HERC2: variants seen among roughly 807,000 people sequenced by gnomAD.
HERC2 encodes E3 ubiquitin-protein ligase HERC2.
HERC2 carries 102 observed loss-of-function variants against 537.7 expected under a neutral mutation model. That is an observed-to-expected ratio of 0.19 (90% CI 0.16 to 0.22). The LOEUF (loss-of-function observed/expected upper bound fraction) is 0.22. Among genes scored for constraint, HERC2 ranks in the 10% least tolerant of loss-of-function variants. HERC2 has a pLI of 1.00. For synonymous variants in HERC2, 2,224 were observed against 2,466.2 expected, an observed-to-expected ratio of 0.90 and a Z score of 2.91; for missense variants, 4,236 against 6,198.2, an observed-to-expected ratio of 0.68 and a Z score of 10.63.
At chr15:28,220,087 C>G (rs1266898319) in intron 37 of HERC2, among the ~76,000 whole-genome samples, 1 of 152,168 alleles carries the variant, frequency 6.6e-6, no homozygotes, top group Non-Finnish European at 1.5e-5. Context: ...GGACCGAGAC[C>G]ACAGGGCAAT....
intron 68 of HERC2, among the ~76,000 whole-genome samples, chr15:28,166,712 C>T (rs1045114629): frequency 1.3e-4 from 19 of 151,530 alleles, no homozygotes; most frequent in South Asian, 2.1e-4. Flanking sequence ...GACCAGTCCA[C>T]GGGAGTCCCA....
intron 15 of HERC2, among the ~76,000 whole-genome samples, chr15:28,262,019 T>C (rs1351873473): frequency 1.3e-5 from 2 of 152,172 alleles, no homozygotes; most frequent in Non-Finnish European, 2.9e-5. Context: ...CAGGTCCACC[T>C]ACTTCAAATA....
At position 28,168,477 on chromosome 15, in the gene HERC2, C is replaced by A. The variant is rs772328665; in HGVS notation, c.10343G>T (p.Gly3448Val). 1 of 1,614,244 alleles carries A rather than the reference C, an allele frequency of 6.2e-7. No individual in the cohort carries two copies. Among genetic ancestry groups the A allele is most frequent in the Admixed American group, 1.7e-5 (1 of 60,032 alleles). The change falls in exon 67 of 93, where the codon GGA becomes GTA. Residue 3448 changes from glycine to valine, a missense_variant. Coordinates refer to ENST00000261609, the MANE Select transcript of HERC2 (RefSeq NM_004667.6). ...DASAMASPMN[G>V]EECMLAVDIE... is the part of the protein sequence containing the mutation. ...ATCAACAGCCAGCATGCATTCTTCT[C>A]CATTCATGGGACTAGCCATCGCAGA...
intron 65 of HERC2, among the ~76,000 whole-genome samples, chr15:28,173,294 G>A (rs1484903354): frequency 6.6e-6 from 1 of 152,080 alleles, no homozygotes; most frequent in Non-Finnish European, 1.5e-5. Context: ...AATTTCACTT[G>A]TATAGTCAAC....
intron 88 of HERC2, among the ~76,000 whole-genome samples, chr15:28,115,909 C>A (rs1049343397): frequency 6.6e-6 from 1 of 152,214 alleles, no homozygotes; most frequent in South Asian, 2.1e-4. Flanking sequence ...GCCGAGGACA[C>A]CCTGCACACC....
At chr15:28,274,713 C>CT (rs1329144156) in intron 6 of HERC2, among the ~76,000 whole-genome samples, 192 bp downstream of exon 6, 3 of 152,070 alleles carry the variant, frequency 2.0e-5, no homozygotes. Flanking sequence ...CATACACTCT[C>CT]TTTTTTTTCT....
intron 5 of HERC2, 76 bp from the exon 6 acceptor site, chr15:28,275,081 A>G: frequency 1.1e-6 from 1 of 875,136 alleles, no homozygotes; most frequent in Non-Finnish European, 1.8e-6. Context: ...CAATACTATG[A>G]AAGGGTGTGT....
At chr15:28,282,251 G>T (rs1337068524) in intron 4 of HERC2, among the ~76,000 whole-genome samples, 1 of 152,156 alleles carries the variant, frequency 6.6e-6, no homozygotes, top group Non-Finnish European at 1.5e-5. Context: ...ATTTAAGTAA[G>T]ACCTAGAGTC....
intron 86 of HERC2, chr15:28,118,110 G>A (rs1888475517): frequency 5.9e-6 from 1 of 168,894 alleles, no homozygotes; most frequent in Non-Finnish European, 1.3e-5. Context: ...CCTGTAGAAT[G>A]AACTTGTCTG....
intron 2 of HERC2, among the ~76,000 whole-genome samples, chr15:28,320,721 G>A (rs1419710089): frequency 2.0e-5 from 3 of 151,386 alleles, no homozygotes; most frequent in African/African-American, 7.4e-5. Flanking sequence ...TAGATTGGGT[G>A]TAAATAATTG....
chr15:28,304,205 AC>A (rs1369863963), intron 2 of HERC2, among the ~76,000 whole-genome samples: 2 of 149,498 alleles, frequency 1.3e-5, no homozygotes, highest in African/African-American at 2.5e-5. Context: ...GAGAAATGCT[AC>A]AGATTTTTGT....
intron 48 of HERC2, among the ~76,000 whole-genome samples, chr15:28,200,910 A>G (rs1442722257): frequency 7.1e-6 from 1 of 141,306 alleles, no homozygotes; most frequent in African/African-American, 2.7e-5. Context: ...TTTAAAGTAG[A>G]TAAAGGACTA....
intron 84 of HERC2, 24 bp from the exon 85 acceptor site, chr15:28,124,258 GC>G: frequency 1.4e-6 from 2 of 1,421,726 alleles, no homozygotes; most frequent in Non-Finnish European, 1.9e-6. Flanking sequence ...ATGGCCTTCA[GC>G]CCCTCAGGCA....
intron 9 of HERC2, 76 bp from the exon 10 acceptor site, chr15:28,270,944 C>T (rs1410532985): frequency 2.3e-6 from 3 of 1,281,302 alleles, no homozygotes; most frequent in Non-Finnish European, 3.3e-6. Flanking sequence ...TTTACCCACG[C>T]TTTATATTTT....
chr15:28,252,612 T>C (rs577869151), intron 20 of HERC2, among the ~76,000 whole-genome samples: 1 of 152,350 alleles, frequency 6.6e-6, no homozygotes, highest in African/African-American at 2.4e-5. Context: ...AGTTCATCTA[T>C]GTGAACAAGC....
chr15:28,201,598 G>T, intron 47 of HERC2, 44 bp from the exon 48 acceptor site: 1 of 1,183,746 alleles, frequency 8.4e-7, no homozygotes, highest in Non-Finnish European at 1.3e-6. Flanking sequence ...AGGAGAACAT[G>T]ATAAACCTAC....
chr15:28,263,071 A>G lies in HERC2; in HGVS notation c.1969T>C (p.Leu657=). 1 of 1,614,160 alleles carries G rather than the reference A, an allele frequency of 6.2e-7. No individual in the cohort carries two copies. The highest frequency in any genetic ancestry group is 8.5e-7 in the Non-Finnish European group (1 of 1,180,022). ...CCACAGCGGACTTTGACCACATCCA[A>G]GTCTTGAAGCTTTTCAATCAGCTTT... The part of the protein sequence containing the change: ...TPKLIEKLQD[L]DVVKVRCGSQ... The change falls in exon 15 of 93, where the codon TTG becomes CTG. Residue 657 remains leucine (L), a synonymous_variant. Coordinates refer to ENST00000261609, the MANE Select transcript of HERC2 (RefSeq NM_004667.6).
chr15:28,187,118 C>G (rs1896382657), intron 55 of HERC2, among the ~76,000 whole-genome samples: 1 of 152,154 alleles, frequency 6.6e-6, no homozygotes, highest in South Asian at 2.1e-4. Context: ...TAGTAACAGA[C>G]CTTTCATCGT....
At chr15:28,202,756 A>G in intron 45 of HERC2, 142 bp from the exon 46 acceptor site, 1 of 314,678 alleles carries the variant, frequency 3.2e-6, no homozygotes, top group South Asian at 4.1e-5. Flanking sequence ...TGTGTTTTTC[A>G]ATGAGTTCCT....
Sources: allele counts gnomAD v4.1 joint callset (sites outside exome capture counted in the v4.1 genomes callset), GRCh38; gene constraint gnomAD v4.1.1; transcripts MANE v1.5; gene names NCBI Gene and HGNC (gene_info 2026-07-23, HGNC 2026-07-21).